RBFOX1: variants seen among roughly 807,000 people sequenced by gnomAD.
RBFOX1 encodes the protein RNA binding protein fox-1 homolog 1.
RBFOX1 carries 8 observed loss-of-function variants against 57.7 expected under a neutral mutation model. The observed-to-expected ratio is 0.14, with a 90% CI of 0.08 to 0.25. The LOEUF is 0.25. Ranked by LOEUF, RBFOX1 falls within the 10% of genes least tolerant of loss-of-function variation. The pLI, the probability that RBFOX1 is intolerant of heterozygous loss-of-function variation, is 1.00. For synonymous variants in RBFOX1, 326 were observed against 222.4 expected (o/e 1.47, Z -4.15); for missense variants, 611 against 548.5 (o/e 1.11, Z -1.14).
intron 4 of RBFOX1, among the ~76,000 whole-genome samples, chr16:6,011,197 A>G (rs1301774308): frequency 1.3e-5 from 2 of 152,212 alleles, no homozygotes; most frequent in African/African-American, 4.8e-5. Flanking sequence ...AGGCAAAGCT[A>G]TGTATGTTCT....
intron 3 of RBFOX1, among the ~76,000 whole-genome samples, chr16:5,655,769 GC>G (rs1567354141): frequency 2.6e-5 from 4 of 152,188 alleles, no homozygotes; most frequent in Non-Finnish European, 4.4e-5. Flanking sequence ...AGCGAAAATA[GC>G]CCTACACTTT....
At chr16:6,841,556 A>C (rs2093463852) in intron 3 of RBFOX1, among the ~76,000 whole-genome samples, 1 of 152,146 alleles carries the variant, frequency 6.6e-6, no homozygotes, top group Non-Finnish European at 1.5e-5. Flanking sequence ...GAGTATTACC[A>C]CAGGCCCTTT....
chr16:5,894,381 C>G (rs550589023), intron 4 of RBFOX1, among the ~76,000 whole-genome samples: 4 of 152,226 alleles, frequency 2.6e-5, no homozygotes, highest in African/African-American at 9.6e-5. Flanking sequence ...CTCCTGGGTT[C>G]CAGTGATTCT....
intron 1 of RBFOX1, among the ~76,000 whole-genome samples, chr16:6,135,661 A>T (rs866870484): frequency 1.3e-5 from 2 of 152,150 alleles, no homozygotes; most frequent in Non-Finnish European, 2.9e-5. Context: ...AACCATGAAC[A>T]CTAATAGTTA....
At chr16:7,596,863 A>C (rs2094727202) in intron 8 of RBFOX1, among the ~76,000 whole-genome samples, 1 of 152,158 alleles carries the variant, frequency 6.6e-6, no homozygotes, top group Non-Finnish European at 1.5e-5. Context: ...CTCTTGTTCC[A>C]AGTGTTGAAT....
chr16:7,639,046 A>AATTGATCTT (rs566265486), intron 11 of RBFOX1, among the ~76,000 whole-genome samples: 9 of 152,198 alleles, frequency 5.9e-5, no homozygotes, highest in Non-Finnish European at 1.2e-4. Context: ...TCAAGATACA[A>AATTGATCTT]ATTGATCTTG....
intron 1 of RBFOX1, among the ~76,000 whole-genome samples, chr16:6,021,763 A>C (rs2095083337): frequency 6.6e-6 from 1 of 152,224 alleles, no homozygotes; most frequent in African/African-American, 2.4e-5. Context: ...GACCTTGGGC[A>C]AGTTGCTTTA....
intron 1 of RBFOX1, chr16:6,092,319 A>C (rs1021697989): frequency 1.5e-4 from 23 of 152,208 alleles, no homozygotes; most frequent in African/African-American, 5.3e-4. Flanking sequence ...GGATGGTGAA[A>C]CTGAGAGACA....
At chr16:7,418,015 T>C (rs775836397) in intron 4 of RBFOX1, among the ~76,000 whole-genome samples, 2 of 152,110 alleles carry the variant, frequency 1.3e-5, no homozygotes, top group African/African-American at 2.4e-5. Context: ...TGTCACTGTG[T>C]GGAGGTCCTC....
At chr16:7,192,357 G>C (rs891752648) in intron 4 of RBFOX1, among the ~76,000 whole-genome samples, 2 of 152,148 alleles carry the variant, frequency 1.3e-5, no homozygotes, top group African/African-American at 4.8e-5. Flanking sequence ...TGAGAAATTG[G>C]CTGAACTGGG....
In RBFOX1 at chr16:7,048,258, TTTTG is replaced by T. The variant is rs557551646; in HGVS notation, c.-15-3783_-15-3780del. 1.3e-3 allele frequency among the ~76,000 whole-genome samples: 190 copies of T among 151,880 alleles called. 2 individuals are homozygous for T. The highest frequency in any genetic ancestry group is 0.01 in the Middle Eastern group (3 of 294). On this transcript the variant is annotated intron_variant, in intron 3 of 15. Coordinates refer to ENST00000550418, the MANE Select transcript of RBFOX1 (RefSeq NM_018723.4). ...ATTTCCTTTTGATTTTTTTGTTTTGTTTTGTTTGTTTGTTTGTTTTCGATGGAGT... is the reference window on the plus strand; with the variant it reads ...ATTTCCTTTTGATTTTTTTGTTTTGTTTTGTTTGTTTGTTTTCGATGGAGT...
At chr16:5,855,533 A>G (rs554411193) in intron 3 of RBFOX1, among the ~76,000 whole-genome samples, 82 of 152,332 alleles carry the variant, frequency 5.4e-4, no homozygotes, top group African/African-American at 1.9e-3. Flanking sequence ...AGTTGACTAT[A>G]GATGGCTGAA....
At chr16:7,150,273 C>A (rs2075857976) in intron 4 of RBFOX1, among the ~76,000 whole-genome samples, 1 of 152,208 alleles carries the variant, frequency 6.6e-6, no homozygotes, top group African/African-American at 2.4e-5. Context: ...CCTATCTGTA[C>A]AACCTTGGCT....
intron 4 of RBFOX1, among the ~76,000 whole-genome samples, chr16:7,131,713 G>T (rs772974916): frequency 1.3e-5 from 2 of 151,896 alleles, no homozygotes; most frequent in Admixed American, 6.6e-5. Context: ...AAGCATAACC[G>T]CATACATCTG....
chr16:6,267,015 C>T (rs1181248598), intron 1 of RBFOX1, among the ~76,000 whole-genome samples: 4 of 152,170 alleles, frequency 2.6e-5, no homozygotes, highest in African/African-American at 9.7e-5. Context: ...CCACCACCAT[C>T]ATGAATATTT....
intron 3 of RBFOX1, among the ~76,000 whole-genome samples, chr16:6,856,009 C>G (rs998928002): frequency 1.4e-4 from 22 of 152,034 alleles, no homozygotes; most frequent in African/African-American, 4.3e-4. Context: ...TCCATCTTCC[C>G]TTATATTCTC....
intron 3 of RBFOX1, among the ~76,000 whole-genome samples, chr16:6,966,745 C>CTCTG (rs1259472327): frequency 0.018 from 2,664 of 150,770 alleles, 81 homozygotes; most frequent in African/African-American, 0.062. Context: ...CTCTGCCTGC[C>CTCTG]TCTATCTGTC....
intron 1 of RBFOX1, among the ~76,000 whole-genome samples, chr16:5,293,372 T>A (rs2063581401): frequency 6.6e-6 from 1 of 152,168 alleles, no homozygotes; most frequent in African/African-American, 2.4e-5. Context: ...CTGCTAGGCA[T>A]CCACAAATAG....
intron 3 of RBFOX1, among the ~76,000 whole-genome samples, chr16:5,668,048 C>T (rs1296701528): frequency 6.6e-6 from 1 of 152,056 alleles, no homozygotes. Flanking sequence ...ACCACATCAC[C>T]AACAAGCATG....
Sources: gnomAD v4.1 joint callset for allele counts (sites outside exome capture counted in the v4.1 genomes callset) on GRCh38, gnomAD v4.1.1 for gene constraint, MANE v1.5 for transcripts, NCBI Gene and HGNC (gene_info 2026-07-23, HGNC 2026-07-21) for gene names.